The following RBFOX2 variants were observed in gnomAD, a reference collection of about 807,000 sequenced individuals.
RBFOX2 encodes RNA binding protein fox-1 homolog 2.
Under a neutral mutation model 49.1 loss-of-function variants are expected in RBFOX2, and 10 were observed. The ratio of observed to expected loss-of-function variants is 0.20; its 90% CI spans 0.13 to 0.35. The LOEUF (loss-of-function observed/expected upper bound fraction) is 0.35, where lower values mean the gene tolerates loss of function less well. RBFOX2 is among the 10% of genes least tolerant of loss of function. The pLI is 1.00. For missense variants in RBFOX2, 323 were observed against 486.9 expected (o/e 0.66, Z 3.17); for synonymous variants, 183 against 187.4 (o/e 0.98, Z 0.19).
At chr22:35,780,321 G>A (rs1944861791) in intron 3 of RBFOX2, among the ~76,000 whole-genome samples, 1 of 150,162 alleles carries the variant, frequency 6.7e-6, no homozygotes, top group Admixed American at 6.6e-5. Flanking sequence ...TTCTAATAAA[G>A]TACCAGGCAG....
At chr22:35,837,742 A>G (rs1355671781) in intron 1 of RBFOX2, among the ~76,000 whole-genome samples, 2 of 152,236 alleles carry the variant, frequency 1.3e-5, no homozygotes, top group African/African-American at 2.4e-5. Flanking sequence ...GCAAAAACTC[A>G]TAACTTTTCT....
At chr22:36,024,053 C>T (rs2059339637) in intron 1 of RBFOX2, among the ~76,000 whole-genome samples, 1 of 152,182 alleles carries the variant, frequency 6.6e-6, no homozygotes, top group South Asian at 2.1e-4. Flanking sequence ...GGAATGACCC[C>T]AGTAAATGAA....
At chr22:35,853,656 CACGTGTGTGTGT>C (rs1037902056) in intron 1 of RBFOX2, among the ~76,000 whole-genome samples, 15 of 132,956 alleles carry the variant, frequency 1.1e-4, no homozygotes, top group African/African-American at 3.6e-4. Flanking sequence ...TATATATACA[CACGTGTGTGTGT>C]GTGTGTGTGT....
In RBFOX2 at chr22:35,889,741, T is replaced by C. The variant is rs373394574; in HGVS notation, c.-34+49106A>G. 6.0e-4 allele frequency among the ~76,000 whole-genome samples: 92 copies of C among 152,214 alleles called. 1 individual carries two copies. The highest frequency in any genetic ancestry group is 5.0e-4 in the Non-Finnish European group (34 of 68,044). On this transcript the variant is annotated intron_variant, in intron 1 of 13. Coordinates refer to the RBFOX2 transcript ENST00000359369. Reference sequence around the variant, plus strand: ...CTTAAATGTTATCTGAACTGAGCCATTGTCTACATTTTGTGATAATTCAAT... The same window carrying C: ...CTTAAATGTTATCTGAACTGAGCCACTGTCTACATTTTGTGATAATTCAAT...
At chr22:35,949,599 TG>T (rs1253371677) in intron 1 of RBFOX2, among the ~76,000 whole-genome samples, 1 of 152,250 alleles carries the variant, frequency 6.6e-6, no homozygotes, top group East Asian at 1.9e-4. Context: ...CTAATGAGTG[TG>T]AAGTGTTATC....
At chr22:35,900,315 G>A (rs550592298) in intron 1 of RBFOX2, among the ~76,000 whole-genome samples, 169 of 151,952 alleles carry the variant, frequency 1.1e-3, no homozygotes, top group African/African-American at 3.9e-3. Context: ...GTTTCACCAT[G>A]TTGGCCAGGC....
chr22:35,908,147 A>G (rs1368569886), intron 1 of RBFOX2, among the ~76,000 whole-genome samples: 3 of 152,208 alleles, frequency 2.0e-5, no homozygotes, highest in African/African-American at 7.2e-5. Context: ...ATTTTAACTT[A>G]ACCATTCTTG....
intron 1 of RBFOX2, 67 bp downstream of exon 1, chr22:36,028,172 CG>C: frequency 7.3e-7 from 1 of 1,378,642 alleles, no homozygotes; most frequent in Admixed American, 3.0e-5. Flanking sequence ...CTCTCCAAGC[CG>C]GGGAGCCCGG....
intron 1 of RBFOX2, among the ~76,000 whole-genome samples, chr22:35,913,603 T>C (rs894100573): frequency 6.6e-6 from 1 of 151,574 alleles, no homozygotes; most frequent in African/African-American, 2.4e-5. Context: ...GATATATATA[T>C]GGTTTACTCC....
At chr22:35,852,486 TAAAAAAAAA>T (rs576605291) in intron 1 of RBFOX2, among the ~76,000 whole-genome samples, 1 of 128,982 alleles carries the variant, frequency 7.8e-6, no homozygotes, top group Non-Finnish European at 1.7e-5. Context: ...CCTTTCTTTT[TAAAAAAAAA>T]AAAAAAAAAA....
chr22:35,892,557 T>C (rs1255588736), intron 1 of RBFOX2, among the ~76,000 whole-genome samples: 2 of 152,228 alleles, frequency 1.3e-5, no homozygotes, highest in African/African-American at 2.4e-5. Context: ...AATGCCCATC[T>C]GCACCAATTC....
intron 1 of RBFOX2, among the ~76,000 whole-genome samples, chr22:36,015,949 G>T (rs1245844688): frequency 6.6e-6 from 1 of 152,154 alleles, no homozygotes; most frequent in Non-Finnish European, 1.5e-5. Context: ...TAAACTCCAT[G>T]CAACAGGGCT....
chr22:35,741,517 T>C (rs1191278678), exon 12 of RBFOX2: 1 of 152,352 alleles, frequency 6.6e-6, no homozygotes, highest in Non-Finnish European at 1.5e-5. Context: ...GACGGGGAGG[T>C]TGATACTGTG....
intron 1 of RBFOX2, among the ~76,000 whole-genome samples, chr22:35,851,785 C>T (rs542495144): frequency 5.3e-5 from 8 of 151,700 alleles, no homozygotes; most frequent in Non-Finnish European, 1.2e-4. Flanking sequence ...CAGCCGAGAT[C>T]CCGCCACTGC....
At chr22:35,835,623 A>G in intron 1 of RBFOX2, among the ~76,000 whole-genome samples, 1 of 152,200 alleles carries the variant, frequency 6.6e-6, no homozygotes, top group Non-Finnish European at 1.5e-5. Context: ...TCAAATATTA[A>G]GCTTACCTAG....
At chr22:35,739,783 G>C (rs1354748357) in exon 12 of RBFOX2, 2 of 152,576 alleles carry the variant, frequency 1.3e-5, no homozygotes, top group African/African-American at 2.4e-5. Flanking sequence ...GCCAGTGTGA[G>C]TGGAGTCCTC....
intron 1 of RBFOX2, among the ~76,000 whole-genome samples, chr22:35,863,995 ACTT>A (rs1420508891): frequency 2.6e-5 from 4 of 152,074 alleles, no homozygotes; most frequent in African/African-American, 4.8e-5. Flanking sequence ...CCTGGTAAAA[ACTT>A]CTTCTGCTTC....
intron 1 of RBFOX2, among the ~76,000 whole-genome samples, chr22:35,910,297 C>A (rs188759199): frequency 6.6e-6 from 1 of 152,282 alleles, no homozygotes; most frequent in Admixed American, 6.5e-5. Context: ...TTGAGAAACA[C>A]GGTTTAAGCA....
intron 1 of RBFOX2, among the ~76,000 whole-genome samples, chr22:35,892,438 C>A (rs2047362797): frequency 6.6e-6 from 1 of 152,166 alleles, no homozygotes; most frequent in Non-Finnish European, 1.5e-5. Context: ...AGCATTCTAT[C>A]TCAGAGTTCT....
Sources: gnomAD v4.1 joint callset for allele counts (sites outside exome capture counted in the v4.1 genomes callset) on GRCh38, gnomAD v4.1.1 for gene constraint, MANE v1.5 for transcripts, NCBI Gene and HGNC (gene_info 2026-07-23, HGNC 2026-07-21) for gene names.